GNB4: variants seen among roughly 807,000 people sequenced by gnomAD.
GNB4 encodes guanine nucleotide-binding protein subunit beta-4.
In GNB4, 28 loss-of-function variants were observed where a neutral mutation model predicts 45.2. The ratio of observed to expected loss-of-function variants is 0.62; its 90% CI spans 0.46 to 0.85. The LOEUF (loss-of-function observed/expected upper bound fraction) is 0.85. Among genes scored for constraint, GNB4 ranks in the 40% least tolerant of loss-of-function variants. The probability of loss-of-function intolerance (pLI) is 0.00; values close to 1 mark genes in which losing one functional copy is unlikely to be tolerated. For missense variants in GNB4, 321 were observed against 425.4 expected (o/e 0.75, Z 2.16); for synonymous variants, 132 against 143.7 (o/e 0.92, Z 0.58).
At chr3:179,513,402 T>C in the GNB4 span, among the ~76,000 whole-genome samples, 5 of 152,096 alleles carry the variant, frequency 3.3e-5, no homozygotes, top group Admixed American at 3.3e-4. Context: ...CAGGCTGGTC[T>C]CAACCTCCTG....
At chr3:179,497,511 T>C in the GNB4 span, among the ~76,000 whole-genome samples, 1 of 152,084 alleles carries the variant, frequency 6.6e-6, no homozygotes, top group Non-Finnish European at 1.5e-5. Context: ...TGAAACTATG[T>C]CAAACTAGAA....
chr3:179,502,228 C>CTTTTTTTTT, the GNB4 span, among the ~76,000 whole-genome samples: 2 of 73,464 alleles, frequency 2.7e-5, no homozygotes, highest in Non-Finnish European at 5.1e-5. Context: ...TTTTTCTTTT[C>CTTTTTTTTT]TTTTTTTTTT....
intron 9 of GNB4, among the ~76,000 whole-genome samples, chr3:179,403,756 C>T (rs1371681287): frequency 6.6e-6 from 1 of 151,282 alleles, no homozygotes; most frequent in Non-Finnish European, 1.5e-5. Flanking sequence ...CAAGATCATG[C>T]CACTGCACTC....
the GNB4 span, among the ~76,000 whole-genome samples, chr3:179,494,357 G>C: frequency 6.6e-6 from 1 of 151,966 alleles, no homozygotes; most frequent in Admixed American, 6.6e-5. Flanking sequence ...AAGAAAAAGA[G>C]AGGGAGGGAA....
At chr3:179,422,802 AT>A (rs1215700092) in intron 2 of GNB4, among the ~76,000 whole-genome samples, 1 of 151,918 alleles carries the variant, frequency 6.6e-6, no homozygotes, top group Non-Finnish European at 1.5e-5. Context: ...GGAAGGAAAG[AT>A]TTTTTTTGAG....
intron 1 of GNB4, among the ~76,000 whole-genome samples, chr3:179,448,009 G>A (rs1340893328): frequency 6.6e-6 from 1 of 152,198 alleles, no homozygotes; most frequent in African/African-American, 2.4e-5. Flanking sequence ...GTCAAATGTG[G>A]CTGAAGATCC....
At chr3:179,448,763 C>T (rs535326028) in intron 1 of GNB4, among the ~76,000 whole-genome samples, 13 of 152,218 alleles carry the variant, frequency 8.5e-5, no homozygotes, top group South Asian at 2.1e-4. Context: ...CAAAAAACTA[C>T]GCTTCCTCAA....
chr3:179,408,716 C>T (rs377424848), intron 8 of GNB4, among the ~76,000 whole-genome samples: 29 of 151,502 alleles, frequency 1.9e-4, no homozygotes, highest in African/African-American at 5.8e-4. Context: ...TGCTTGAACC[C>T]GGGAGGTGGA....
the GNB4 span, among the ~76,000 whole-genome samples, chr3:179,481,391 CCT>C: frequency 6.6e-6 from 1 of 151,970 alleles, no homozygotes. Context: ...CTCACTTCAG[CCT>C]CTACCTCCTG....
chr3:179,447,342 G>T, intron 1 of GNB4, among the ~76,000 whole-genome samples: 1 of 62,774 alleles, frequency 1.6e-5, no homozygotes, highest in African/African-American at 6.2e-5. Flanking sequence ...CTTGATCATG[G>T]TATTAAAAAA....
intron 8 of GNB4, chr3:179,405,923 A>C (rs2108580706): frequency 6.6e-6 from 1 of 152,356 alleles, no homozygotes; most frequent in African/African-American, 2.4e-5. Flanking sequence ...AACATTATTA[A>C]ATAACACTAT....
the GNB4 span, among the ~76,000 whole-genome samples, chr3:179,467,346 A>T: frequency 6.6e-6 from 1 of 152,140 alleles, no homozygotes; most frequent in African/African-American, 2.4e-5. Flanking sequence ...ATGTTTCTGG[A>T]TTAGTTAAGA....
the GNB4 span, among the ~76,000 whole-genome samples, chr3:179,521,694 T>C: frequency 9.8e-5 from 15 of 152,298 alleles, no homozygotes; most frequent in African/African-American, 3.6e-4. Flanking sequence ...AAATAATCTT[T>C]GCTGGCAGGG....
the GNB4 span, among the ~76,000 whole-genome samples, chr3:179,512,417 A>C: frequency 2.0e-5 from 3 of 152,240 alleles, no homozygotes; most frequent in Non-Finnish European, 4.4e-5. Flanking sequence ...CAAATGCTAC[A>C]TTTAGAGAAC....
chr3:179,409,211 T>TA lies in GNB4; in HGVS notation c.700-3806dup, dbSNP rs113376534. Among the ~76,000 whole-genome samples, 21 of 151,442 alleles carry TA rather than the reference T, an allele frequency of 1.4e-4. 1 individual carries two copies. The highest frequency in any genetic ancestry group is 4.8e-4 in the African/African-American group (20 of 41,294). On this transcript the variant is annotated intron_variant, in intron 8 of 9. Coordinates refer to ENST00000232564, the MANE Select transcript of GNB4 (RefSeq NM_021629.4). Reference sequence around the variant, plus strand: ...AAATCAATGACATCAGCTTCTATCTTAAAAAAACTAGAAAAAAGGCTGTGC... The same window carrying TA: ...AAATCAATGACATCAGCTTCTATCTTAAAAAAAACTAGAAAAAAGGCTGTGC...
chr3:179,474,370 C>T, the GNB4 span, among the ~76,000 whole-genome samples: 1 of 152,072 alleles, frequency 6.6e-6, no homozygotes. Context: ...ACTACAGGCA[C>T]ACGCCACCAT....
At chr3:179,454,921 C>T (rs1416037610), upstream of GNB4, among the ~76,000 whole-genome samples, 1 of 152,172 alleles carries the variant, frequency 6.6e-6, no homozygotes, top group Non-Finnish European at 1.5e-5. Flanking sequence ...AAGCAATTCC[C>T]TAGTAGATTC....
the GNB4 span, among the ~76,000 whole-genome samples, chr3:179,460,141 T>C: frequency 6.6e-6 from 1 of 152,244 alleles, no homozygotes; most frequent in East Asian, 1.9e-4. Flanking sequence ...TTTTTCTGCA[T>C]TGTGGCCTTA....
chr3:179,424,990 C>A (rs565122631), intron 2 of GNB4, among the ~76,000 whole-genome samples: 1 of 152,320 alleles, frequency 6.6e-6, no homozygotes, highest in Non-Finnish European at 1.5e-5. Flanking sequence ...CAGCTGTGTT[C>A]CAAGTTATGA....
Sources: gnomAD v4.1 joint callset for allele counts (sites outside exome capture counted in the v4.1 genomes callset) on GRCh38, gnomAD v4.1.1 for gene constraint, MANE v1.5 for transcripts, NCBI Gene and HGNC (gene_info 2026-07-23, HGNC 2026-07-21) for gene names.